The following CFAP99 variants were observed in gnomAD, a reference collection of about 807,000 sequenced individuals.
CFAP99 encodes cilia and flagella associated protein 99.
In CFAP99, 84 loss-of-function variants were observed where a neutral mutation model predicts 82.7. The observed-to-expected ratio is 1.02, with a 90% CI of 0.85 to 1.22. The LOEUF (loss-of-function observed/expected upper bound fraction) is 1.22, where lower values mean the gene tolerates loss of function less well. Ranked by LOEUF, CFAP99 falls within the 50% of genes most tolerant of loss-of-function variation. The probability of loss-of-function intolerance (pLI) is 0.00; values close to 1 mark genes in which losing one functional copy is unlikely to be tolerated. For missense variants in CFAP99, 1,059 were observed against 983.5 expected, an observed-to-expected ratio of 1.08 and a Z score of -1.03; for synonymous variants, 456 against 429.5, an observed-to-expected ratio of 1.06 and a Z score of -0.76.
intron 2 of CFAP99, among the ~76,000 whole-genome samples, chr4:2,434,159 A>G (rs1304882756): frequency 6.6e-6 from 1 of 152,202 alleles, no homozygotes; most frequent in African/African-American, 2.4e-5. Flanking sequence ...GGCTGGTTTC[A>G]GATGCATTCA....
intron 2 of CFAP99, among the ~76,000 whole-genome samples, chr4:2,435,592 T>G (rs1365230963): frequency 6.6e-6 from 1 of 152,138 alleles, no homozygotes; most frequent in Admixed American, 6.5e-5. Context: ...AAATTAATTA[T>G]TAAATAATGA....
rs369704214 is a variant in CFAP99, at chr4:2,452,188, G to A, written c.1003G>A (p.Glu335Lys). The A allele has an allele frequency of 2.1e-5, 33 of 1,536,042 alleles. No individual in the cohort carries two copies. Among genetic ancestry groups the A allele is most frequent in the African/African-American group, 1.5e-4 (11 of 73,038 alleles). Residue 335 changes from glutamate (E) to lysine (K), a missense_variant, in exon 11 of 15, where the codon GAG (glutamate) becomes AAG (lysine). By Grantham distance (56) the Glu-to-Lys change is moderately conservative (BLOSUM62 1). Transcript: ENST00000635017. Reference sequence around the variant, plus strand: ...GGCTGGGGACTTCTCTGAGTTCTTCGAGTGGCAGAAGAAGATGCAGGCGAA... The same window carrying A: ...GGCTGGGGACTTCTCTGAGTTCTTCAAGTGGCAGAAGAAGATGCAGGCGAA...
chr4:2,426,408 T>C, intron 1 of CFAP99, 51 bp from the exon 2 acceptor site: 1 of 1,172,082 alleles, frequency 8.5e-7, no homozygotes, highest in Non-Finnish European at 1.2e-6. Context: ...GGGAGGGTCC[T>C]GCGGCTACAT....
At chr4:2,459,870 C>A (rs1323788227) in intron 13 of CFAP99, among the ~76,000 whole-genome samples, 167 bp from the exon 14 acceptor site, 1 of 152,214 alleles carries the variant, frequency 6.6e-6, no homozygotes, top group Non-Finnish European at 1.5e-5. Context: ...TGTAGTGTTG[C>A]AGAGCGGAGC....
At chr4:2,431,534 G>T (rs1431530459) in intron 2 of CFAP99, among the ~76,000 whole-genome samples, 1 of 152,092 alleles carries the variant, frequency 6.6e-6, no homozygotes, top group Non-Finnish European at 1.5e-5. Flanking sequence ...GTGCACCCAA[G>T]GTCAAGTCCA....
Position 2,459,664 on chromosome 4 carries a change from T to A in CFAP99, c.1456-373T>A, listed in dbSNP as rs111505994. Among the ~76,000 whole-genome samples the A allele has an allele frequency of 8.4e-3, 1,271 of 152,126 alleles. 20 individuals are homozygous for A. Among genetic ancestry groups the A allele is most frequent in the African/African-American group, 0.026 (1,083 of 41,510 alleles). Reference sequence around the variant, plus strand: ...TGCCGGAAGCCCGTGTGAGAAGGCATGATGAGGGGCCAGGCCTCAGAGGAG... The same window carrying A: ...TGCCGGAAGCCCGTGTGAGAAGGCAAGATGAGGGGCCAGGCCTCAGAGGAG... On this transcript the variant is annotated intron_variant, in intron 13 of 14. Coordinates refer to ENST00000635017, the Ensembl canonical transcript of CFAP99.
At chr4:2,430,681 G>A (rs1733781852) in intron 2 of CFAP99, among the ~76,000 whole-genome samples, 1 of 151,810 alleles carries the variant, frequency 6.6e-6, no homozygotes, top group African/African-American at 2.4e-5. Flanking sequence ...CACGTACCTA[G>A]TCCCAGTTAC....
chr4:2,429,589 CTTTCTT>C lies in CFAP99; in HGVS notation c.111+3007_111+3012del, dbSNP rs1300307387. Among the ~76,000 whole-genome samples, 7 of 102,402 alleles carry C rather than the reference CTTTCTT, an allele frequency of 6.8e-5. 1 individual carries two copies. Among genetic ancestry groups the C allele is most frequent in the Admixed American group, 2.2e-4 (2 of 8,910 alleles). The allele number at this position is 102,402 out of a possible 152,430, so 67.2% of individuals were successfully genotyped here. ...CACTGGTTTTTCAGATCTTTTCTTTCTTTCTTTTTTTTTTTTTTTTGAGACAGAGTC... is the reference window on the plus strand; with the variant it reads ...CACTGGTTTTTCAGATCTTTTCTTTCTTTTTTTTTTTTTTGAGACAGAGTC... On this transcript the variant is annotated intron_variant, in intron 2 of 14. Coordinates refer to ENST00000635017, the Ensembl canonical transcript of CFAP99.
At chr4:2,436,751 A>G (rs1359994163) in intron 2 of CFAP99, 123 bp from the exon 3 acceptor site, 5 of 763,474 alleles carry the variant, frequency 6.5e-6, no homozygotes, top group African/African-American at 5.3e-5. Context: ...TGGGGGCCCC[A>G]CTAACAGGCC....
chr4:2,454,581 C>CTTTTTTTTTTT (rs200727697), intron 11 of CFAP99, among the ~76,000 whole-genome samples: 7 of 94,712 alleles, frequency 7.4e-5, no homozygotes, highest in South Asian at 3.6e-4. Flanking sequence ...TGTTTTTTTT[C>CTTTTTTTTTTT]TTTTTTTTTT....
intron 5 of CFAP99, among the ~76,000 whole-genome samples, chr4:2,444,758 G>A (rs1040966647): frequency 2.6e-5 from 4 of 152,168 alleles, no homozygotes; most frequent in African/African-American, 9.7e-5. Flanking sequence ...TCCACTGCTG[G>A]CTTCCATCTG....
intron 5 of CFAP99, 150 bp downstream of exon 5, chr4:2,443,392 G>A (rs769264089): frequency 1.4e-4 from 86 of 628,638 alleles, no homozygotes; most frequent in East Asian, 2.2e-4. Context: ...TGAGATCTTC[G>A]GAGAAGCCCC....
chr4:2,426,366 C>A, intron 1 of CFAP99, 93 bp from the exon 2 acceptor site: 2 of 779,212 alleles, frequency 2.6e-6, no homozygotes. Context: ...CTGCTACAGG[C>A]CCAACACCCT....
intron 1 of CFAP99, 129 bp from the exon 2 acceptor site, chr4:2,426,330 G>A: frequency 1.5e-6 from 1 of 650,452 alleles, no homozygotes; most frequent in Admixed American, 2.3e-5. Flanking sequence ...CCTAGCCAGG[G>A]CCCCCAGTCA....
At position 2,446,611 on chromosome 4, in the gene CFAP99, C is replaced by T. The variant is rs925462656; in HGVS notation, c.642+1303C>T. On this transcript the variant is annotated intron_variant, in intron 6 of 14. Transcript: ENST00000635017. The surrounding 1 kb of genome is among the most constrained non-coding windows in gnomAD (Gnocchi z 5.0). ...TTTTGTCATGTTGGCCGGGCTGGTC[C>T]CTAACTGACCTCAGGTGATCTGCCC... Among the ~76,000 whole-genome samples the T allele has an allele frequency of 2.0e-5, 3 of 152,020 alleles. No individual in the cohort carries two copies. Among genetic ancestry groups the T allele is most frequent in the African/African-American group, 7.2e-5 (3 of 41,386 alleles).
chr4:2,419,974 G>A (rs1310072059), intron 1 of CFAP99, among the ~76,000 whole-genome samples: 3 of 151,988 alleles, frequency 2.0e-5, no homozygotes, highest in Non-Finnish European at 4.4e-5. Context: ...CCTTGACCTT[G>A]ATGTTGCAAA....
Position 2,428,716 on chromosome 4 carries a change from G to A in CFAP99, c.111+2130G>A, listed in dbSNP as rs115132812. 1,299 of 152,676 alleles carry A rather than the reference G, an allele frequency of 8.5e-3. 15 individuals are homozygous for A. The highest frequency in any genetic ancestry group is 0.029 in the African/African-American group (1,214 of 41,518). The allele number at this position is 152,676 out of a possible 1,614,324, so 9.5% of individuals were successfully genotyped here. A position where few individuals can be genotyped will look rare whatever the true frequency, so the allele number is the denominator to read the frequency against. ...CTGGCAGCCACTCCTTCTCAGGCTC[G>A]GGCCTCCCCTGTCGGGTGTGCGGGG... On this transcript the variant is annotated intron_variant, in intron 2 of 14. Coordinates refer to ENST00000635017, the Ensembl canonical transcript of CFAP99.
chr4:2,434,000 T>A (rs986826679), intron 2 of CFAP99, among the ~76,000 whole-genome samples: 1 of 151,864 alleles, frequency 6.6e-6, no homozygotes, highest in African/African-American at 2.4e-5. Context: ...AAAAGAGACT[T>A]GAAGGGGAGC....
chr4:2,431,974 G>A (rs1015825502), intron 2 of CFAP99, among the ~76,000 whole-genome samples: 10 of 152,086 alleles, frequency 6.6e-5, no homozygotes, highest in Non-Finnish European at 5.9e-5. Flanking sequence ...TGTTCGGACC[G>A]GTGTCTGTTA....
Sources: allele counts gnomAD v4.1 joint callset (sites outside exome capture counted in the v4.1 genomes callset), GRCh38; gene constraint gnomAD v4.1.1; non-coding constraint Gnocchi (gnomAD v3.1); transcripts MANE v1.5; gene names NCBI Gene and HGNC (gene_info 2026-07-23, HGNC 2026-07-21).